Variants in ZCCHC8 observed in about 807,000 individuals in gnomAD.
The protein encoded by ZCCHC8 is zinc finger CCHC domain-containing protein 8.
Under a neutral mutation model 70.6 loss-of-function variants are expected in ZCCHC8, and 27 were observed. The ratio of observed to expected loss-of-function variants is 0.38; its 90% CI spans 0.28 to 0.53. The LOEUF (loss-of-function observed/expected upper bound fraction) is 0.53, where lower values mean the gene tolerates loss of function less well. ZCCHC8 is among the 20% of genes least tolerant of loss of function. The pLI is 0.81. For synonymous variants in ZCCHC8, 293 were observed against 317.4 expected, an observed-to-expected ratio of 0.92 and a Z score of 0.82; for missense variants, 737 against 876.9, an observed-to-expected ratio of 0.84 and a Z score of 2.01.
chr12:122,499,269 CTT>C (rs570830096), intron 1 of ZCCHC8: 1,015 of 158,914 alleles, frequency 6.4e-3, no homozygotes, highest in South Asian at 0.022. Context: ...ATCCTTTCAA[CTT>C]TTTTTTTTTT....
intron 8 of ZCCHC8, chr12:122,482,342 C>T: frequency 2.3e-6 from 1 of 439,700 alleles, no homozygotes; most frequent in Admixed American, 3.9e-5. Context: ...TTATTCATCT[C>T]AAATACAAAG....
Position 122,474,033 on chromosome 12 carries a change from C to A in ZCCHC8, c.1588G>T (p.Ala530Ser). The A allele has an allele frequency of 6.5e-7, 1 of 1,535,206 alleles. No homozygotes were observed. ...LEEQQRRIWA[A>S]LEQAESVNSD... ...TTTACGCTCTCGGCCTGCTCAAGAGCTGCCCAGATCCGCCTCTGCTGTTCT... is the reference window on the plus strand; with the variant it reads ...TTTACGCTCTCGGCCTGCTCAAGAGATGCCCAGATCCGCCTCTGCTGTTCT... Residue 530 changes from alanine (A) to serine (S), a missense_variant, in exon 14 of 14, where the codon GCT becomes TCT. Transcript: ENST00000633063.
chr12:122,490,869 T>C (rs989437380), intron 3 of ZCCHC8: 2 of 197,356 alleles, frequency 1.0e-5, no homozygotes, highest in African/African-American at 4.6e-5. Flanking sequence ...AAATAGATAC[T>C]ACATGTAAAT....
rs751895153 is a variant in ZCCHC8 at position 122,483,459 on chromosome 12, C to T, written c.605+1G>A. 6.3e-7 allele frequency: 1 copy of T among 1,588,508 alleles called. No individual in the cohort carries two copies. Among genetic ancestry groups the T allele is most frequent in the Non-Finnish European group, 8.6e-7 (1 of 1,165,918 alleles). ...AGATCTTCATTCACTATGTAGGATA[C>T]TTGGGTATTTCCCATCCTTCGGAAA... On this transcript the variant is annotated splice_donor_variant, in intron 6 of 13. Coordinates refer to ENST00000633063, the MANE Select transcript of ZCCHC8 (RefSeq NM_017612.5). LOFTEE classifies it high-confidence loss of function. This position sits in a 1 kb window ranked among gnomAD's most constrained non-coding sequence, Gnocchi z 4.4.
At position 122,492,743 on chromosome 12, in the gene ZCCHC8, T is replaced by C; in HGVS notation, c.289A>G (p.Ile97Val). 1 of 1,548,544 alleles carries C rather than the reference T, an allele frequency of 6.5e-7. No homozygotes were observed. The highest frequency in any genetic ancestry group is 1.2e-5 in the South Asian group (1 of 83,514). The change falls in exon 3 of 14, where the codon ATT (isoleucine) becomes GTT (valine). Residue 97 changes from isoleucine to valine, a missense_variant. Coordinates refer to ENST00000633063, the MANE Select transcript of ZCCHC8 (RefSeq NM_017612.5). ...DTKLDGPILQILFMNNAISKQ... is the reference protein window; with the variant it reads ...DTKLDGPILQVLFMNNAISKQ... ...GAAATAGCATTGTTCATGAATAGAATCTGTAATATAGGTCCATCTAACTTA... is the reference window on the plus strand; with the variant it reads ...GAAATAGCATTGTTCATGAATAGAACCTGTAATATAGGTCCATCTAACTTA...
chr12:122,481,782 T>C, intron 9 of ZCCHC8, 118 bp from the exon 10 acceptor site: 2 of 1,384,456 alleles, frequency 1.4e-6, no homozygotes, highest in South Asian at 3.0e-5. Context: ...GTCTAACAAA[T>C]ATAAATTAAA....
Position 122,480,268 on chromosome 12 carries a change from A to T in ZCCHC8, c.1062T>A (p.Asn354Lys). The T allele has an allele frequency of 1.2e-6, 2 of 1,608,724 alleles. No homozygotes were observed. Among genetic ancestry groups the T allele is most frequent in the Non-Finnish European group, 1.7e-6 (2 of 1,177,010 alleles). The change falls in exon 11 of 14, where the codon AAT becomes AAA. Residue 354 changes from asparagine to lysine, a missense_variant. Coordinates refer to ENST00000633063, the MANE Select transcript of ZCCHC8 (RefSeq NM_017612.5). ...TTGAGAGATCGTAAGTGACACTTTT[A>T]TTCTGTTGTATTTCTCCAACTTCTG... Reference protein sequence around the residue: ...GETEVGEIQQNKSVTYDLSKL... With the variant: ...GETEVGEIQQKKSVTYDLSKL...
chr12:122,476,834 C>G (rs1293592438), intron 13 of ZCCHC8, among the ~76,000 whole-genome samples: 2 of 151,940 alleles, frequency 1.3e-5, no homozygotes, highest in Non-Finnish European at 2.9e-5. Flanking sequence ...ACCAGCCTGG[C>G]TAACACGGAG....
chr12:122,474,653 G>C (rs1957382981), intron 13 of ZCCHC8, among the ~76,000 whole-genome samples: 1 of 152,098 alleles, frequency 6.6e-6, no homozygotes, highest in Non-Finnish European at 1.5e-5. Context: ...GGAGGTGCAG[G>C]CTGGTTACTG....
At chr12:122,496,512 C>T (rs77786029) in intron 2 of ZCCHC8, among the ~76,000 whole-genome samples, 4,354 of 152,184 alleles carry the variant, frequency 0.029, 108 homozygotes, top group Non-Finnish European at 0.046. Flanking sequence ...GTAAACTTAT[C>T]TAAATAAAAC....
rs1434791926 is a variant in ZCCHC8, at chr12:122,471,767, C to G, written c.*1730G>C. 6.6e-6 allele frequency: 1 copy of G among 152,148 alleles called. No individual in the cohort carries two copies. Among genetic ancestry groups the G allele is most frequent in the East Asian group, 1.9e-4 (1 of 5,202 alleles). The allele number at this position is 152,148 out of a possible 1,614,324, so 9.4% of individuals were successfully genotyped here. ...TTTACAGAACAGTAAATTCTGATTA[C>G]TCAAGTTCTCAAAAATGAAAGCTAT... On this transcript the variant is annotated 3_prime_UTR_variant, in exon 14 of 14. Coordinates refer to ENST00000633063, the MANE Select transcript of ZCCHC8 (RefSeq NM_017612.5).
Position 122,483,654 on chromosome 12 carries a change from A to G in ZCCHC8, c.502-91T>C. 1.9e-6 allele frequency: 2 copies of G among 1,046,680 alleles called. No homozygotes were observed. The highest frequency in any genetic ancestry group is 2.8e-6 in the Non-Finnish European group (2 of 716,522). The allele number at this position is 1,046,680 out of a possible 1,614,324, so 64.8% of individuals were successfully genotyped here. ...TTATGATTAACTGTTTTAACAATTT[A>G]TTTTTGGATGGAATTATTAGAAATA... On this transcript the variant is annotated intron_variant, in intron 5 of 13. Coordinates refer to ENST00000633063, the MANE Select transcript of ZCCHC8 (RefSeq NM_017612.5). This position sits in a 1 kb window ranked among gnomAD's most constrained non-coding sequence, Gnocchi z 4.4.
At chr12:122,478,872 G>A (rs963530807) in intron 11 of ZCCHC8, among the ~76,000 whole-genome samples, 1 of 152,086 alleles carries the variant, frequency 6.6e-6, no homozygotes, top group Non-Finnish European at 1.5e-5. Context: ...CATTTCTAAC[G>A]AGTATTCCCA....
At chr12:122,499,069 C>A in intron 1 of ZCCHC8, 200 bp from the exon 2 acceptor site, 1 of 591,274 alleles carries the variant, frequency 1.7e-6, no homozygotes, top group Non-Finnish European at 3.0e-6. Flanking sequence ...CGGTTTTTAT[C>A]CTTTCGAACA....
intron 2 of ZCCHC8, among the ~76,000 whole-genome samples, chr12:122,493,762 G>A (rs1180180439): frequency 6.6e-6 from 1 of 151,864 alleles, no homozygotes; most frequent in African/African-American, 2.4e-5. Flanking sequence ...ACAGGCGCCT[G>A]CGACCATGCC....
chr12:122,478,400 C>T, intron 11 of ZCCHC8, 108 bp from the exon 12 acceptor site: 1 of 748,684 alleles, frequency 1.3e-6, no homozygotes, highest in East Asian at 2.7e-5. Context: ...TACATTTTTC[C>T]TTCTTATGTT....
At chr12:122,477,532 C>A (rs1415747916) in intron 13 of ZCCHC8, among the ~76,000 whole-genome samples, 1 of 147,672 alleles carries the variant, frequency 6.8e-6, no homozygotes, top group Non-Finnish European at 1.5e-5. Flanking sequence ...CGCCTGTAAT[C>A]CCAGCACTTT....
At chr12:122,489,286 G>A in intron 5 of ZCCHC8, 100 bp downstream of exon 5, 1 of 1,022,596 alleles carries the variant, frequency 9.8e-7, no homozygotes, top group East Asian at 2.6e-5. Context: ...ATCAAGTGAA[G>A]ACATATGACT....
chr12:122,494,990 A>G (rs541083970), intron 2 of ZCCHC8, among the ~76,000 whole-genome samples: 1 of 152,338 alleles, frequency 6.6e-6, no homozygotes, highest in African/African-American at 2.4e-5. Context: ...TAAGGAAGTC[A>G]TTGCAGTTAT....
Sources: gnomAD v4.1 joint callset for allele counts (sites outside exome capture counted in the v4.1 genomes callset) on GRCh38, gnomAD v4.1.1 for gene constraint, Gnocchi (gnomAD v3.1) non-coding constraint, MANE v1.5 for transcripts, NCBI Gene and HGNC (gene_info 2026-07-23, HGNC 2026-07-21) for gene names.